The following COLGALT2 variants were observed in gnomAD, a reference collection of about 807,000 sequenced individuals.
The protein encoded by COLGALT2 is collagen beta(1-O)galactosyltransferase 2.
Under a neutral mutation model 73.4 loss-of-function variants are expected in COLGALT2, and 49 were observed. The observed-to-expected ratio is 0.67, with a 90% confidence interval of 0.53 to 0.85. COLGALT2 has a LOEUF of 0.85. COLGALT2 is among the 40% of genes least tolerant of loss of function. COLGALT2 has a pLI of 0.00. For synonymous variants in COLGALT2, 295 were observed against 307.6 expected, an observed-to-expected ratio of 0.96 and a Z score of 0.43; for missense variants, 722 against 790.2, an observed-to-expected ratio of 0.91 and a Z score of 1.03.
At chr1:183,947,926 T>C (rs1334455243) in intron 8 of COLGALT2, among the ~76,000 whole-genome samples, 1 of 152,030 alleles carries the variant, frequency 6.6e-6, no homozygotes, top group Non-Finnish European at 1.5e-5. Context: ...ACTGACCTTA[T>C]GAAAGTAAAA....
intron 1 of COLGALT2, among the ~76,000 whole-genome samples, chr1:184,028,452 GA>G (rs1468775406): frequency 6.6e-6 from 1 of 152,118 alleles, no homozygotes; most frequent in Non-Finnish European, 1.5e-5. Context: ...ATCACTCTCA[GA>G]AAGAAAAGGG....
At chr1:183,964,800 A>G (rs751899757) in intron 5 of COLGALT2, among the ~76,000 whole-genome samples, 60 of 152,232 alleles carry the variant, frequency 3.9e-4, no homozygotes, top group Admixed American at 3.3e-4. Context: ...GGTCTCATAC[A>G]CATCATTGGT....
chr1:184,000,488 C>A (rs1671889588), intron 1 of COLGALT2, among the ~76,000 whole-genome samples: 2 of 136,880 alleles, frequency 1.5e-5, no homozygotes, highest in Non-Finnish European at 3.1e-5. Flanking sequence ...TAACTATAGT[C>A]ACCCCCATCC....
chr1:184,016,797 CAGAA>C (rs1649016752), intron 1 of COLGALT2, among the ~76,000 whole-genome samples: 1 of 152,040 alleles, frequency 6.6e-6, no homozygotes, highest in Admixed American at 6.6e-5. Context: ...ATTCAAAACT[CAGAA>C]AAATATTTTA....
intron 1 of COLGALT2, among the ~76,000 whole-genome samples, chr1:183,988,588 G>C (rs927301409): frequency 2.6e-5 from 4 of 152,174 alleles, no homozygotes; most frequent in African/African-American, 9.7e-5. Context: ...GGAATCATAT[G>C]ATTGTGGCCT....
In COLGALT2 at chr1:183,997,065, T is replaced by C. The variant is rs1020617811; in HGVS notation, c.264-18545A>G. Among the ~76,000 whole-genome samples the C allele has an allele frequency of 8.5e-5, 13 of 152,150 alleles. 1 individual carries two copies. The highest frequency in any genetic ancestry group is 6.5e-4 in the Admixed American group (10 of 15,272). ...GGGGCAGGCAGTGTAAAAAGCTCTATAGAACAAGAGGCTTAAGGTCTGGCC... is the reference window on the plus strand; with the variant it reads ...GGGGCAGGCAGTGTAAAAAGCTCTACAGAACAAGAGGCTTAAGGTCTGGCC... On this transcript the variant is annotated intron_variant, in intron 1 of 11. Transcript: ENST00000361927.
chr1:184,020,890 G>C (rs981747536), intron 1 of COLGALT2, among the ~76,000 whole-genome samples: 14 of 152,106 alleles, frequency 9.2e-5, no homozygotes, highest in African/African-American at 3.1e-4. Context: ...CTGGCTGTTG[G>C]TTGCAAGCCT....
Position 183,937,693 on chromosome 1 carries a change from G to A in COLGALT2, c.*1068C>T. 1.0e-6 allele frequency: 1 copy of A among 985,438 alleles called. No individual in the cohort carries two copies. The highest frequency in any genetic ancestry group is 1.2e-6 in the Non-Finnish European group (1 of 829,938). 61.0% of individuals were successfully genotyped at this position (985,438 alleles called of 1,614,324 possible). ...GTCCACACCCACCACTCCCCCGGGT[G>A]CCGTGGAAGTCTGCAACATCTGTTT... On this transcript the variant is annotated 3_prime_UTR_variant, in exon 12 of 12. Transcript: ENST00000361927.
At chr1:184,032,890 T>C (rs1649559008) in intron 1 of COLGALT2, among the ~76,000 whole-genome samples, 1 of 152,106 alleles carries the variant, frequency 6.6e-6, no homozygotes, top group Admixed American at 6.5e-5. Context: ...TTCAAGATAA[T>C]CCCCAAACAA....
chr1:183,976,508 A>G (rs3010046), intron 2 of COLGALT2, among the ~76,000 whole-genome samples: 89,132 of 151,692 alleles, frequency 0.59, 29,650 homozygotes, highest in Non-Finnish European at 0.76. Context: ...TGGGGAAGAA[A>G]TTCAGGCAAC....
At chr1:183,930,529 C>T (rs910652148) in intron 11 of COLGALT2, among the ~76,000 whole-genome samples, 6 of 151,068 alleles carry the variant, frequency 4.0e-5, no homozygotes, top group East Asian at 1.9e-4. Context: ...GCTGGGACTA[C>T]ATCCGCAAGC....
At chr1:183,982,232 A>G (rs914576120) in intron 1 of COLGALT2, among the ~76,000 whole-genome samples, 1 of 152,182 alleles carries the variant, frequency 6.6e-6, no homozygotes, top group Non-Finnish European at 1.5e-5. Context: ...TGAGCATGTT[A>G]GGACCAAGAT....
downstream of COLGALT2, among the ~76,000 whole-genome samples, chr1:183,931,384 C>T (rs142080669): frequency 6.6e-6 from 1 of 152,276 alleles, no homozygotes; most frequent in East Asian, 1.9e-4. Context: ...CAGAGCACTG[C>T]CACCTACTAT....
At chr1:184,008,493 G>A (rs765345982) in intron 1 of COLGALT2, among the ~76,000 whole-genome samples, 1 of 152,184 alleles carries the variant, frequency 6.6e-6, no homozygotes, top group Non-Finnish European at 1.5e-5. Flanking sequence ...ATTTTGGGAG[G>A]TTGAGGCGGG....
chr1:183,936,773 A>AC lies in COLGALT2; in HGVS notation c.*1987dup. 1.1e-5 allele frequency: 14 copies of AC among 1,231,454 alleles called. No individual in the cohort carries two copies. The highest frequency in any genetic ancestry group is 1.3e-5 in the Non-Finnish European group (13 of 987,944). 76.3% of individuals were successfully genotyped at this position (1,231,454 alleles called of 1,614,324 possible). A position where few individuals can be genotyped will look rare whatever the true frequency, so the allele number is the denominator to read the frequency against. On this transcript the variant is annotated 3_prime_UTR_variant, in exon 12 of 12. Transcript: ENST00000361927. ...GTGGGTGGGAAAGGAAGTCACACTGACAGCTAAGTCTAAGCGGCACAATTT... is the reference window on the plus strand; with the variant it reads ...GTGGGTGGGAAAGGAAGTCACACTGACCAGCTAAGTCTAAGCGGCACAATTT...
At chr1:184,010,699 A>G (rs969145092) in intron 1 of COLGALT2, among the ~76,000 whole-genome samples, 3 of 152,194 alleles carry the variant, frequency 2.0e-5, no homozygotes, top group African/African-American at 2.4e-5. Flanking sequence ...AGGAAATATG[A>G]CAGAGTAACT....
At chr1:183,951,182 T>C (rs1670390519) in intron 7 of COLGALT2, 69 bp from the exon 8 acceptor site, 1 of 1,139,768 alleles carries the variant, frequency 8.8e-7, no homozygotes, top group Non-Finnish European at 1.3e-6. Flanking sequence ...GTTTGAAAAG[T>C]TTAGTAAATG....
intron 10 of COLGALT2, among the ~76,000 whole-genome samples, chr1:183,942,641 G>A (rs533675888): frequency 3.3e-5 from 5 of 152,096 alleles, no homozygotes; most frequent in Admixed American, 6.5e-5. Flanking sequence ...TACCTTTCAT[G>A]TTTTAGGTTT....
chr1:183,969,335 G>A lies in COLGALT2; in HGVS notation c.766C>T (p.Pro256Ser), dbSNP rs778390748. Residue 256 changes from proline to serine, a missense_variant, in exon 5 of 12, where the codon CCA becomes TCA. Physicochemically the swap from Pro to Ser is moderately conservative, Grantham distance 74. Coordinates refer to ENST00000361927, the MANE Select transcript of COLGALT2 (RefSeq NM_015101.4). ...AAGGTCCAGGTGTAGTCCTGGTGTGGGGGGTAGAAAGTCAGCTTGTCCGAG... is the reference window on the plus strand; with the variant it reads ...AAGGTCCAGGTGTAGTCCTGGTGTGAGGGGTAGAAAGTCAGCTTGTCCGAG... Reference protein sequence around the residue: ...EASDKLTFYPPHQDYTWTFDD... With the variant: ...EASDKLTFYPSHQDYTWTFDD... 20 of 1,613,686 alleles carry A rather than the reference G, an allele frequency of 1.2e-5. No individual in the cohort carries two copies. In the South Asian group the frequency reaches 2.0e-4, roughly 16 times the overall value.
Sources: allele counts gnomAD v4.1 joint callset (sites outside exome capture counted in the v4.1 genomes callset), GRCh38; gene constraint gnomAD v4.1.1; transcripts MANE v1.5; gene names NCBI Gene and HGNC (gene_info 2026-07-23, HGNC 2026-07-21).